The following PHKB variants were observed in gnomAD, a reference collection of about 807,000 sequenced individuals.
The protein encoded by PHKB is phosphorylase kinase regulatory subunit beta, also known as phosphorylase b kinase regulatory subunit beta.
PHKB carries 122 observed loss-of-function variants against 152.1 expected under a neutral mutation model. That is an observed-to-expected ratio of 0.80 (90% CI 0.69 to 0.93). The LOEUF is 0.93. Among genes scored for constraint, PHKB ranks in the 40% least tolerant of loss-of-function variants. The pLI is 0.00. For missense variants in PHKB, 1,304 were observed against 1,328.4 expected (o/e 0.98, Z 0.29); for synonymous variants, 436 against 464.9 (o/e 0.94, Z 0.80).
intron 14 of PHKB, among the ~76,000 whole-genome samples, chr16:47,637,594 G>A (rs1972944059): frequency 6.6e-6 from 1 of 152,212 alleles, no homozygotes; most frequent in Non-Finnish European, 1.5e-5. Flanking sequence ...TTGAGAAAGA[G>A]AGAATGAATA....
At chr16:47,596,022 A>T (rs1316130071) in intron 12 of PHKB, among the ~76,000 whole-genome samples, 1 of 152,208 alleles carries the variant, frequency 6.6e-6, no homozygotes, top group African/African-American at 2.4e-5. Flanking sequence ...CCCAAAGCTC[A>T]GCTTGAATTA....
intron 16 of PHKB, among the ~76,000 whole-genome samples, chr16:47,642,322 A>G (rs941940020): frequency 2.0e-5 from 3 of 152,180 alleles, no homozygotes; most frequent in Non-Finnish European, 2.9e-5. Flanking sequence ...ATGTAGTTCA[A>G]TACCTATTTG....
At chr16:47,572,176 C>A (rs140993872) in intron 7 of PHKB, among the ~76,000 whole-genome samples, 1 of 152,284 alleles carries the variant, frequency 6.6e-6, no homozygotes, top group African/African-American at 2.4e-5. Flanking sequence ...TGAGCAAGGA[C>A]CCAAGAAGTC....
chr16:47,588,650 T>C (rs1254666833), intron 9 of PHKB, among the ~76,000 whole-genome samples: 2 of 152,232 alleles, frequency 1.3e-5, no homozygotes, highest in Admixed American at 1.3e-4. Flanking sequence ...CTGTTAAATT[T>C]TTGCGCACCA....
chr16:47,648,677 T>C (rs1973179208), intron 17 of PHKB, 61 bp downstream of exon 17: 9 of 986,058 alleles, frequency 9.1e-6, no homozygotes, highest in Admixed American at 5.1e-5. Context: ...ACTGAAATGG[T>C]GCTTGACCTG....
At chr16:47,481,907 ATGACCTTTTAGCTATGAAGACCTTCTG>A (rs1323059114) in intron 1 of PHKB, among the ~76,000 whole-genome samples, 16 of 152,290 alleles carry the variant, frequency 1.1e-4, no homozygotes, top group African/African-American at 3.9e-4. Flanking sequence ...AAGACCTTCC[ATGACCTTTTAGCTATGAAGACCTTCTG>A]TGACCTTTTA....
chr16:47,629,926 A>C (rs1361553318), intron 14 of PHKB, among the ~76,000 whole-genome samples: 1 of 152,022 alleles, frequency 6.6e-6, no homozygotes, highest in Non-Finnish European at 1.5e-5. Flanking sequence ...TCGCAATAAC[A>C]AAAAACCAAA....
intron 13 of PHKB, among the ~76,000 whole-genome samples, chr16:47,606,971 A>G (rs1408554142): frequency 3.3e-5 from 5 of 152,196 alleles, no homozygotes; most frequent in Non-Finnish European, 5.9e-5. Context: ...TTTATAGTGC[A>G]ACAGCAATTG....
At chr16:47,519,197 T>C (rs750139439) in intron 6 of PHKB, among the ~76,000 whole-genome samples, 1 of 152,202 alleles carries the variant, frequency 6.6e-6, no homozygotes, top group Non-Finnish European at 1.5e-5. Context: ...TTTGCAAAGA[T>C]GTTTTCTACC....
At chr16:47,651,213 TTGGCTG>T (rs1567342072) in intron 20 of PHKB, among the ~76,000 whole-genome samples, 1 of 152,174 alleles carries the variant, frequency 6.6e-6, no homozygotes. Context: ...TAGGGGCAAG[TTGGCTG>T]ACTGTTGGTC....
intron 4 of PHKB, 62 bp from the exon 5 acceptor site, chr16:47,511,603 A>G (rs1970510547): frequency 8.5e-7 from 1 of 1,173,482 alleles, no homozygotes; most frequent in Admixed American, 1.7e-5. Context: ...ATAGCTTTTA[A>G]TCTATAGTCT....
At chr16:47,590,545 C>T (rs2151698468) in intron 10 of PHKB, 1 of 152,322 alleles carries the variant, frequency 6.6e-6, no homozygotes, top group Admixed American at 6.5e-5. Context: ...ATCTCTTAAA[C>T]ACCTTCAAAT....
chr16:47,689,233 T>C, intron 27 of PHKB, 58 bp downstream of exon 27: 1 of 1,552,740 alleles, frequency 6.4e-7, no homozygotes, highest in Non-Finnish European at 8.9e-7. Flanking sequence ...ACATCATAAT[T>C]TTTAGCTTGA....
chr16:47,468,739 C>G (rs982240023), intron 1 of PHKB, among the ~76,000 whole-genome samples: 6 of 152,204 alleles, frequency 3.9e-5, no homozygotes, highest in African/African-American at 1.4e-4. Context: ...TGGCTTTTGC[C>G]TGCCCCTCTG....
chr16:47,626,895 C>T (rs1972720587), intron 14 of PHKB, among the ~76,000 whole-genome samples: 1 of 152,210 alleles, frequency 6.6e-6, no homozygotes, highest in African/African-American at 2.4e-5. Flanking sequence ...GGCCCCCTCC[C>T]ATCTCTGACA....
intron 1 of PHKB, among the ~76,000 whole-genome samples, chr16:47,472,380 G>A (rs1022564624): frequency 6.6e-6 from 1 of 152,122 alleles, no homozygotes; most frequent in Non-Finnish European, 1.5e-5. Context: ...TGCCCATTGC[G>A]GTGGCTCATG....
At chr16:47,678,850 C>G (rs1230858066) in intron 26 of PHKB, among the ~76,000 whole-genome samples, 1 of 152,146 alleles carries the variant, frequency 6.6e-6, no homozygotes, top group African/African-American at 2.4e-5. Context: ...TTGCCCATGC[C>G]TGTGTCCTGA....
Position 47,696,444 on chromosome 16 carries a change from T to A in PHKB, c.2959T>A (p.Leu987Met), listed in dbSNP as rs370623353. The change falls in exon 29 of 31, where the codon TTG (leucine) becomes ATG (methionine). Residue 987 changes from leucine (L) to methionine (M), a missense_variant. By Grantham distance (15) the Leu-to-Met change is conservative. Transcript: ENST00000323584. ...MNFSLLVEDT[L>M]GNIDQPQYRQ... is the part of the protein sequence containing the mutation. ...TTTCTCTCTCCTTGTTGAAGACACG[T>A]TGGGAAATATTGACCAGCCACAGTA... 8.1e-6 allele frequency: 13 copies of A among 1,609,046 alleles called. No individual in the cohort carries two copies. Among genetic ancestry groups the A allele is most frequent in the Non-Finnish European group, 1.1e-5 (13 of 1,175,478 alleles).
At chr16:47,571,238 G>T (rs1274458363) in intron 7 of PHKB, among the ~76,000 whole-genome samples, 1 of 152,096 alleles carries the variant, frequency 6.6e-6, no homozygotes, top group Non-Finnish European at 1.5e-5. Flanking sequence ...TTTTTCACTA[G>T]GGTAGAATAC....
Sources: gnomAD v4.1 joint callset for allele counts (sites outside exome capture counted in the v4.1 genomes callset) on GRCh38, gnomAD v4.1.1 for gene constraint, MANE v1.5 for transcripts, NCBI Gene and HGNC (gene_info 2026-07-23, HGNC 2026-07-21) for gene names.